Variants in NNT observed in about 807,000 individuals in gnomAD.
NNT encodes nicotinamide nucleotide transhydrogenase.
A neutral mutation model predicts 104.8 loss-of-function variants in NNT; 50 were observed. That is an observed-to-expected ratio of 0.48 (90% CI 0.38 to 0.60). The LOEUF is 0.60. Ranked by LOEUF, NNT falls within the 20% of genes least tolerant of loss-of-function variation. The pLI, the probability that NNT is intolerant of heterozygous loss-of-function variation, is 0.00. For missense variants in NNT, 1,131 were observed against 1,330.7 expected, an observed-to-expected ratio of 0.85 and a Z score of 2.33; for synonymous variants, 461 against 490.4, an observed-to-expected ratio of 0.94 and a Z score of 0.79.
At chr5:43,667,193 G>A (rs551711410) in intron 17 of NNT, 33 of 1,413,804 alleles carry the variant, frequency 2.3e-5, no homozygotes, top group African/African-American at 9.8e-5. Flanking sequence ...TGCCATTTTC[G>A]GGACTGGTTG....
chr5:43,629,809 CT>C (rs1750584407), intron 7 of NNT, among the ~76,000 whole-genome samples: 1 of 152,064 alleles, frequency 6.6e-6, no homozygotes, highest in Non-Finnish European at 1.5e-5. Flanking sequence ...CCTTTGTCCA[CT>C]TTTTGATGGG....
chr5:43,691,069 G>C (rs1248674042), intron 19 of NNT, among the ~76,000 whole-genome samples: 1 of 139,658 alleles, frequency 7.2e-6, no homozygotes, highest in Non-Finnish European at 1.5e-5. Flanking sequence ...TTTTTTGAGA[G>C]AGTGTGTGTG....
chr5:43,652,189 C>A (rs931295133), intron 13 of NNT, among the ~76,000 whole-genome samples: 58 of 152,182 alleles, frequency 3.8e-4, no homozygotes, highest in African/African-American at 1.3e-3. Context: ...ATGTATCTAG[C>A]TAGATTGCGG....
intron 17 of NNT, among the ~76,000 whole-genome samples, chr5:43,662,593 A>C (rs1740427209): frequency 6.6e-6 from 1 of 152,046 alleles, no homozygotes; most frequent in Non-Finnish European, 1.5e-5. Flanking sequence ...TTTAAGTTTT[A>C]ATTAAAAAAA....
intron 5 of NNT, among the ~76,000 whole-genome samples, chr5:43,623,271 C>A (rs1321718708): frequency 6.6e-6 from 1 of 152,126 alleles, no homozygotes; most frequent in Non-Finnish European, 1.5e-5. Flanking sequence ...TCTACAGGAA[C>A]AAAGTGTTGC....
intron 19 of NNT, among the ~76,000 whole-genome samples, chr5:43,695,970 A>G (rs891581843): frequency 1.3e-5 from 2 of 152,174 alleles, no homozygotes; most frequent in African/African-American, 4.8e-5. Context: ...TCAAGATGAC[A>G]TTTTGGTAGA....
Position 43,645,449 on chromosome 5 carries a change from A to C in NNT, c.1383A>C (p.Glu461Asp), listed in dbSNP as rs201999370. 15 of 1,577,080 alleles carry C rather than the reference A, an allele frequency of 9.5e-6. No homozygotes were observed. Among genetic ancestry groups the C allele is most frequent in the African/African-American group, 2.7e-5 (2 of 73,268 alleles). ...KQKTVAELEA[E>D]KAATITPFRK... is the part of the protein sequence containing the mutation. The stretch of plus-strand genomic sequence containing the variant: ...AGACAGTGGCTGAGCTGGAAGCTGA[A>C]AAAGCAGCTACCATTACACCCTTCA... Residue 461 changes from glutamate to aspartate, a missense_variant, in exon 10 of 22, where the codon GAA (glutamate) becomes GAC (aspartate). Coordinates refer to ENST00000344920, the MANE Select transcript of NNT (RefSeq NM_182977.3).
intron 4 of NNT, among the ~76,000 whole-genome samples, 170 bp downstream of exon 4, chr5:43,616,235 TTAGA>T (rs1193282928): frequency 1.3e-5 from 2 of 152,224 alleles, no homozygotes; most frequent in African/African-American, 4.8e-5. Context: ...TTTACAGTAA[TTAGA>T]TAGGAAATGA....
intron 17 of NNT, among the ~76,000 whole-genome samples, chr5:43,668,244 G>GT (rs57590117): frequency 0.057 from 7,891 of 138,262 alleles, 396 homozygotes; most frequent in African/African-American, 0.13. Context: ...TCTGATGGTG[G>GT]TTTTTTTTTT....
At chr5:43,660,773 G>T (rs1337830268) in intron 17 of NNT, among the ~76,000 whole-genome samples, 1 of 152,094 alleles carries the variant, frequency 6.6e-6, no homozygotes, top group Non-Finnish European at 1.5e-5. Context: ...ACCAGATCTC[G>T]TGAGAACTCA....
chr5:43,685,150 T>C (rs1427060873), intron 19 of NNT, among the ~76,000 whole-genome samples: 1 of 152,196 alleles, frequency 6.6e-6, no homozygotes, highest in South Asian at 2.1e-4. Context: ...TAAGGTTTTA[T>C]AGATTTATAA....
chr5:43,614,874 A>G (rs1749692637), intron 3 of NNT, among the ~76,000 whole-genome samples: 2 of 152,084 alleles, frequency 1.3e-5, no homozygotes, highest in African/African-American at 4.8e-5. Context: ...GCAGTGGCTC[A>G]CGCCTGTAAT....
At chr5:43,605,020 G>T (rs1273109066) in intron 1 of NNT, among the ~76,000 whole-genome samples, 1 of 152,140 alleles carries the variant, frequency 6.6e-6, no homozygotes, top group Non-Finnish European at 1.5e-5. Context: ...GTACAGGGAA[G>T]TTAAGTGACT....
At chr5:43,621,884 T>A (rs1378977951) in intron 5 of NNT, among the ~76,000 whole-genome samples, 1 of 152,166 alleles carries the variant, frequency 6.6e-6, no homozygotes, top group Non-Finnish European at 1.5e-5. Flanking sequence ...ATTTAGGTTC[T>A]GGAAAAATAA....
chr5:43,628,164 A>T lies in NNT; in HGVS notation c.777-36A>T, dbSNP rs748098882. On this transcript the variant is annotated intron_variant, in intron 6 of 21. Transcript: ENST00000344920. ...ATCTTGACTTCTTTATTAGGGCCTG[A>T]AATAACTACTCTTTCCACTTTAACA... 3 of 1,467,054 alleles carry T rather than the reference A, an allele frequency of 2.0e-6. No homozygotes were observed. The African/African-American group carries it at 4.3e-5, about 21-fold the overall frequency. The allele number at this position is 1,467,054 out of a possible 1,614,324, so 90.9% of individuals were successfully genotyped here.
At chr5:43,674,646 AAAATG>A (rs1741311057) in intron 17 of NNT, among the ~76,000 whole-genome samples, 1 of 152,230 alleles carries the variant, frequency 6.6e-6, no homozygotes, top group African/African-American at 2.4e-5. Context: ...TTGAATTCTT[AAAATG>A]CATTTGATTA....
chr5:43,609,924 A>T (rs907892614), intron 2 of NNT, among the ~76,000 whole-genome samples: 38 of 152,162 alleles, frequency 2.5e-4, no homozygotes, highest in Non-Finnish European at 7.3e-5. Context: ...GTACTGATGC[A>T]CCAGTCTTCT....
At chr5:43,621,917 G>A (rs1750117779) in intron 5 of NNT, among the ~76,000 whole-genome samples, 1 of 152,236 alleles carries the variant, frequency 6.6e-6, no homozygotes, top group African/African-American at 2.4e-5. Context: ...GTCTTGGAGT[G>A]TGGTGAACAA....
intron 12 of NNT, 71 bp from the exon 13 acceptor site, chr5:43,651,668 A>G (rs761499447): frequency 6.7e-7 from 1 of 1,498,122 alleles, no homozygotes; most frequent in Non-Finnish European, 9.2e-7. Context: ...AAATTGTAGC[A>G]CTTTAAAAAA....
Sources: gnomAD v4.1 joint callset for allele counts (sites outside exome capture counted in the v4.1 genomes callset) on GRCh38, gnomAD v4.1.1 for gene constraint, MANE v1.5 for transcripts, NCBI Gene and HGNC (gene_info 2026-07-23, HGNC 2026-07-21) for gene names.